The following POLD1 variants were observed in gnomAD, a reference collection of about 807,000 sequenced individuals.
POLD1 encodes the protein DNA polymerase delta catalytic subunit.
In POLD1, 79 loss-of-function variants were observed where a neutral mutation model predicts 129.7. The observed-to-expected ratio is 0.61, with a 90% confidence interval of 0.51 to 0.73. POLD1 has a LOEUF of 0.73. Among genes scored for constraint, POLD1 ranks in the 30% least tolerant of loss-of-function variants. POLD1 has a pLI of 0.00. For missense variants in POLD1, 1,338 were observed against 1,595.8 expected, an observed-to-expected ratio of 0.84 and a Z score of 2.75; for synonymous variants, 714 against 683.3, an observed-to-expected ratio of 1.04 and a Z score of -0.70.
At position 50,401,802 on chromosome 19, in the gene POLD1, G is replaced by A; in HGVS notation, c.341G>A (p.Gly114Glu). The A allele has an allele frequency of 6.2e-7, 1 of 1,613,110 alleles. No homozygotes were observed. The highest frequency in any genetic ancestry group is 8.5e-7 in the Non-Finnish European group (1 of 1,179,870). ...YVGPAQPVPGGPPPSRGSVPV... is the reference protein window; with the variant it reads ...YVGPAQPVPGEPPPSRGSVPV... ...GGCCCAGCGCAGCCTGTGCCTGGGG[G>A]GCCCCCACCATCCCGCGGCTCCGTG... The change falls in exon 4 of 27, where the codon GGG becomes GAG. Residue 114 changes from glycine to glutamate, a missense_variant. Coordinates refer to ENST00000440232, the MANE Select transcript of POLD1 (RefSeq NM_002691.4).
At chr19:50,399,508 G>A (rs926643173) in intron 3 of POLD1, 24 bp downstream of exon 3, 2 of 1,541,510 alleles carry the variant, frequency 1.3e-6, no homozygotes, top group African/African-American at 2.7e-5. Flanking sequence ...TTATGGGTGA[G>A]TGCTGGGGCC....
chr19:50,404,086 C>T (rs964159190), intron 10 of POLD1, among the ~76,000 whole-genome samples: 10 of 152,144 alleles, frequency 6.6e-5, no homozygotes, highest in African/African-American at 2.4e-4. Flanking sequence ...AAGTCATTGT[C>T]TCACCGTCCT....
Position 50,417,154 on chromosome 19 carries a change from A to G in POLD1, c.3121-18A>G. On this transcript the variant is annotated intron_variant, in intron 25 of 26. Transcript: ENST00000440232. Reference sequence around the variant, plus strand: ...GTGGGGAGGCGGGGGCGCCCTGCTCAGCCGCTGCCGTCCCCAGGTATCCCA... The same window carrying G: ...GTGGGGAGGCGGGGGCGCCCTGCTCGGCCGCTGCCGTCCCCAGGTATCCCA... 1.3e-6 allele frequency: 2 copies of G among 1,582,036 alleles called. No homozygotes were observed. Among genetic ancestry groups the G allele is most frequent in the Non-Finnish European group, 1.7e-6 (2 of 1,164,174 alleles).
At chr19:50,416,864 C>A in intron 24 of POLD1, 141 bp downstream of exon 24, 2 of 941,314 alleles carry the variant, frequency 2.1e-6, no homozygotes, top group Non-Finnish European at 3.1e-6. Context: ...TGTCTCCACC[C>A]CCCACAGAGG....
intron 3 of POLD1, among the ~76,000 whole-genome samples, chr19:50,401,349 G>A (rs1343251606): frequency 8.8e-6 from 1 of 113,740 alleles, no homozygotes; most frequent in Non-Finnish European, 1.7e-5. Context: ...TAATATGTGT[G>A]TGTATTTGTG....
At position 50,406,137 on chromosome 19, in the gene POLD1, G is replaced by T; in HGVS notation, c.1243-45G>T. 9 of 1,594,068 alleles carry T rather than the reference G, an allele frequency of 5.6e-6. No individual in the cohort carries two copies. The highest frequency in any genetic ancestry group is 7.7e-6 in the Non-Finnish European group (9 of 1,166,680). ...CAATCTCCGTTCTTCAGGCTTATGT[G>T]ACGGGGACCCGCAGCCTGCTGCACA... On this transcript the variant is annotated intron_variant, in intron 10 of 26. Coordinates refer to ENST00000440232, the MANE Select transcript of POLD1 (RefSeq NM_002691.4). This position sits in a 1 kb window ranked among gnomAD's most constrained non-coding sequence, Gnocchi z 5.5.
Position 50,402,004 on chromosome 19 carries a change from G to T in POLD1, c.469G>T (p.Gly157Trp), listed in dbSNP as rs774568050. 6.2e-7 allele frequency: 1 copy of T among 1,614,046 alleles called. No individual in the cohort carries two copies. Among genetic ancestry groups the T allele is most frequent in the Non-Finnish European group, 8.5e-7 (1 of 1,179,982 alleles). The change falls in exon 5 of 27, where the codon GGG becomes TGG. Residue 157 changes from glycine (G) to tryptophan (W), a missense_variant. By Grantham distance (184) the Gly-to-Trp change is radical. Transcript: ENST00000440232. ...GATCATCCCTCCCACACCAGGTTTC[G>T]GGCCCGAGCACATGGGTGACCTGCA... The part of the protein sequence containing the change: ...YFYTPAPPGF[G>W]PEHMGDLQRE...
At chr19:50,393,370 C>T (rs1469382761) in intron 1 of POLD1, among the ~76,000 whole-genome samples, 2 of 152,118 alleles carry the variant, frequency 1.3e-5, no homozygotes, top group Non-Finnish European at 2.9e-5. Flanking sequence ...TAAAATTAGC[C>T]ATTTTAAAGC....
chr19:50,393,080 CTTATG>C (rs1458924496), intron 1 of POLD1, among the ~76,000 whole-genome samples: 1 of 152,176 alleles, frequency 6.6e-6, no homozygotes, highest in Non-Finnish European at 1.5e-5. Context: ...TGCAGTTTTT[CTTATG>C]TGATAATATA....
At chr19:50,416,801 C>G in intron 24 of POLD1, 78 bp downstream of exon 24, 1 of 1,192,024 alleles carries the variant, frequency 8.4e-7, no homozygotes, top group South Asian at 1.4e-5. Context: ...ACACCCACCC[C>G]ATCGGCTGGC....
chr19:50,400,133 A>ATTTTT (rs71182715), intron 3 of POLD1, among the ~76,000 whole-genome samples: 7 of 48,154 alleles, frequency 1.5e-4, no homozygotes, highest in South Asian at 1.5e-3. Flanking sequence ...TTTTTAAAAG[A>ATTTTT]TTTTTTTTTT....
chr19:50,391,872 C>T (rs1016532933), intron 1 of POLD1, among the ~76,000 whole-genome samples: 1 of 151,836 alleles, frequency 6.6e-6, no homozygotes, highest in Non-Finnish European at 1.5e-5. Context: ...GCCACCATGA[C>T]AAGCTAATTT....
rs1164845915 is a variant in POLD1 at position 50,416,686 on chromosome 19, C to G, written c.3030C>G (p.Asn1010Lys). 1 of 1,551,014 alleles carries G rather than the reference C, an allele frequency of 6.4e-7. No homozygotes were observed. Among genetic ancestry groups the G allele is most frequent in the Non-Finnish European group, 8.7e-7 (1 of 1,152,848 alleles). Residue 1010 changes from asparagine to lysine, a missense_variant, in exon 24 of 27, where the codon AAC becomes AAG. Asn to Lys is a moderately conservative substitution (Grantham distance 94). Coordinates refer to ENST00000440232, the MANE Select transcript of POLD1 (RefSeq NM_002691.4). ...TCCTGGCCTTCGCCAAACGCCGCAA[C>G]TGCTGCATTGGCTGCCGCACAGTGC... Reference protein sequence around the residue: ...GGLLAFAKRRNCCIGCRTVLS... With the variant: ...GGLLAFAKRRKCCIGCRTVLS...
At chr19:50,388,805 G>A (rs34965163) in intron 1 of POLD1, among the ~76,000 whole-genome samples, 15,613 of 142,918 alleles carry the variant, frequency 0.11, 990 homozygotes, top group South Asian at 0.21. Context: ...CTTCACCTCT[G>A]AAAACTCCAG....
intron 1 of POLD1, among the ~76,000 whole-genome samples, chr19:50,386,964 G>A (rs148096632): frequency 9.3e-4 from 142 of 152,306 alleles, no homozygotes; most frequent in African/African-American, 3.2e-3. Context: ...AGGCCGAGGC[G>A]GGCAGATCAT....
At chr19:50,408,690 ATTT>A (rs751745933) in intron 14 of POLD1, 92 bp from the exon 15 acceptor site, 2 of 1,148,430 alleles carry the variant, frequency 1.7e-6, no homozygotes, top group Non-Finnish European at 2.4e-6. Flanking sequence ...CCAATGAATG[ATTT>A]TTTTTTTTTA....
rs1329213081 is a variant in POLD1, at chr19:50,403,007, G to C, written c.971-46G>C. ...CAGGTGCAGCCTCCCTGCTGTGTTG[G>C]GAGTGAGGGGCAGGAGTCAGGCCCC... On this transcript the variant is annotated intron_variant, in intron 8 of 26. Transcript: ENST00000440232. 3.2e-6 allele frequency: 5 copies of C among 1,547,396 alleles called. No homozygotes were observed. The South Asian group carries it at 6.0e-5, about 18-fold the overall frequency.
intron 1 of POLD1, among the ~76,000 whole-genome samples, chr19:50,385,856 C>A (rs934861988): frequency 1.3e-5 from 2 of 151,848 alleles, no homozygotes; most frequent in Admixed American, 1.3e-4. Context: ...CACTTCCCCC[C>A]CACAGGTCTC....
rs748471297 is a variant in POLD1 at position 50,398,865 on chromosome 19, G to T, written c.14G>T (p.Arg5Leu). MDGK[R>L]RPGPGPGVPP... ...TTGCCCAGCAGGATGGATGGCAAGC[G>T]GCGGCCAGGCCCAGGGCCCGGGGTG... Residue 5 changes from arginine (R) to leucine (L), a missense_variant, in exon 2 of 27, where the codon CGG (arginine) becomes CTG (leucine). Transcript: ENST00000440232. 2 of 1,608,322 alleles carry T rather than the reference G, an allele frequency of 1.2e-6. No individual in the cohort carries two copies. Among genetic ancestry groups the T allele is most frequent in the Non-Finnish European group, 8.5e-7 (1 of 1,178,800 alleles).
Sources: allele counts gnomAD v4.1 joint callset (sites outside exome capture counted in the v4.1 genomes callset), GRCh38; gene constraint gnomAD v4.1.1; non-coding constraint Gnocchi (gnomAD v3.1); transcripts MANE v1.5; gene names NCBI Gene and HGNC (gene_info 2026-07-23, HGNC 2026-07-21).